HHAT: variants seen among roughly 807,000 people sequenced by gnomAD.
HHAT encodes the protein protein-cysteine N-palmitoyltransferase HHAT.
In HHAT, 47 loss-of-function variants were observed where a neutral mutation model predicts 70.8. The ratio of observed to expected loss-of-function variants is 0.66; its 90% CI spans 0.53 to 0.85. HHAT has a LOEUF of 0.85. Among genes scored for constraint, HHAT ranks in the 40% least tolerant of loss-of-function variants. HHAT has a pLI of 0.00. For missense variants in HHAT, 609 were observed against 604.8 expected, an observed-to-expected ratio of 1.01 and a Z score of -0.07; for synonymous variants, 228 against 247.6, an observed-to-expected ratio of 0.92 and a Z score of 0.74.
At chr1:210,342,039 G>A (rs1195598902) in intron 1 of HHAT, among the ~76,000 whole-genome samples, 1 of 152,078 alleles carries the variant, frequency 6.6e-6, no homozygotes, top group African/African-American at 2.4e-5. Flanking sequence ...CAGCTTTGGA[G>A]TTGCTGTTTT....
intron 1 of HHAT, among the ~76,000 whole-genome samples, chr1:210,329,654 T>A (rs534314276): frequency 3.5e-4 from 54 of 152,350 alleles, no homozygotes; most frequent in African/African-American, 1.3e-3. Context: ...CTGTGTACAT[T>A]GCTCTTGGAT....
intron 3 of HHAT, among the ~76,000 whole-genome samples, chr1:210,370,849 C>T (rs35655204): frequency 2.0e-5 from 3 of 151,812 alleles, no homozygotes; most frequent in South Asian, 4.2e-4. Flanking sequence ...CTCCTGACCT[C>T]GTGATCCACC....
chr1:210,545,294 T>C (rs73079527), intron 9 of HHAT, among the ~76,000 whole-genome samples: 4,586 of 152,272 alleles, frequency 0.03, 239 homozygotes, highest in African/African-American at 0.1. Flanking sequence ...AGTTTTCTTT[T>C]GGTCCCTTGG....
chr1:210,670,243 C>G (rs935576113), intron 11 of HHAT, among the ~76,000 whole-genome samples: 4 of 152,250 alleles, frequency 2.6e-5, no homozygotes, highest in East Asian at 1.9e-4. Context: ...CCCCTGCCCC[C>G]CTGGGCCACA....
At chr1:210,580,617 G>C (rs1205806512) in intron 9 of HHAT, among the ~76,000 whole-genome samples, 1 of 151,646 alleles carries the variant, frequency 6.6e-6, no homozygotes. Flanking sequence ...GTGTTAGTTT[G>C]CTGAGGATGA....
At chr1:210,356,102 T>C (rs1452674929) in intron 2 of HHAT, among the ~76,000 whole-genome samples, 1 of 151,696 alleles carries the variant, frequency 6.6e-6, no homozygotes, top group African/African-American at 2.4e-5. Flanking sequence ...CTATTTTTTT[T>C]TTTTTTTGGA....
intron 1 of HHAT, among the ~76,000 whole-genome samples, chr1:210,334,072 T>A (rs1056004107): frequency 2.6e-5 from 4 of 151,956 alleles, no homozygotes; most frequent in African/African-American, 9.7e-5. Context: ...CCCTGAATTC[T>A]CTCTATGGAC....
chr1:210,570,475 TGA>T (rs2148732977), intron 9 of HHAT, among the ~76,000 whole-genome samples: 1 of 152,070 alleles, frequency 6.6e-6, no homozygotes, highest in African/African-American at 2.4e-5. Flanking sequence ...CTGGAGGGTG[TGA>T]GAGATGCTGG....
intron 9 of HHAT, among the ~76,000 whole-genome samples, chr1:210,530,097 A>G (rs895849142): frequency 6.6e-6 from 1 of 152,184 alleles, no homozygotes; most frequent in African/African-American, 2.4e-5. Flanking sequence ...TGTTTCTGCT[A>G]TGATGCAGGG....
chr1:210,607,842 AC>A (rs34665707), intron 10 of HHAT, among the ~76,000 whole-genome samples: 1 of 151,842 alleles, frequency 6.6e-6, no homozygotes, highest in East Asian at 1.9e-4. Flanking sequence ...TGGGATACCC[AC>A]CCCCTAACAA....
chr1:210,504,963 T>G (rs1199498355), intron 8 of HHAT, among the ~76,000 whole-genome samples: 2 of 141,786 alleles, frequency 1.4e-5, no homozygotes, highest in African/African-American at 5.2e-5. Flanking sequence ...AGTGCAGTGG[T>G]GTGATCTCAA....
intron 5 of HHAT, among the ~76,000 whole-genome samples, chr1:210,401,736 G>C (rs900760528): frequency 6.6e-6 from 1 of 152,202 alleles, no homozygotes; most frequent in Non-Finnish European, 1.5e-5. Context: ...TTGACCCAGA[G>C]AATTGGTGGA....
At chr1:210,468,018 C>T (rs1461730766) in intron 8 of HHAT, among the ~76,000 whole-genome samples, 1 of 152,142 alleles carries the variant, frequency 6.6e-6, no homozygotes, top group Non-Finnish European at 1.5e-5. Context: ...AAGGCCCAAA[C>T]CTGAAAGTTA....
At chr1:210,362,957 C>A (rs1405253981) in intron 3 of HHAT, 38 bp downstream of exon 3, 2 of 1,452,060 alleles carry the variant, frequency 1.4e-6, no homozygotes, top group Non-Finnish European at 1.9e-6. Flanking sequence ...AGTTTTCAAA[C>A]CTGATTTCAA....
chr1:210,494,422 T>C (rs1234535604), intron 8 of HHAT, among the ~76,000 whole-genome samples: 1 of 152,034 alleles, frequency 6.6e-6, no homozygotes, highest in Non-Finnish European at 1.5e-5. Flanking sequence ...CAGAGTCAAA[T>C]ATGACTGCAG....
chr1:210,337,528 T>C (rs1231410160), intron 1 of HHAT, among the ~76,000 whole-genome samples: 2 of 152,192 alleles, frequency 1.3e-5, no homozygotes, highest in Non-Finnish European at 2.9e-5. Flanking sequence ...TTGTTGTCGT[T>C]GCCTTTTCCA....
Position 210,387,622 on chromosome 1 carries a change from C to G in HHAT, c.273+41C>G, listed in dbSNP as rs764304208. The stretch of plus-strand genomic sequence containing the variant: ...TTGTTACCTTTTAAGTGTGTTTTTC[C>G]TTTGCTTCTTGTGAAGAAAGAGTCC... On this transcript the variant is annotated intron_variant, in intron 4 of 11. Coordinates refer to ENST00000261458, the MANE Select transcript of HHAT (RefSeq NM_018194.6). 3.3e-6 allele frequency: 5 copies of G among 1,495,198 alleles called. No individual in the cohort carries two copies. The Admixed American group carries it at 8.7e-5, about 26-fold the overall frequency. 92.6% of individuals were successfully genotyped at this position (1,495,198 alleles called of 1,614,324 possible).
At position 210,638,722 on chromosome 1, in the gene HHAT, C is replaced by CAAAAAAA. The variant is rs71146238; in HGVS notation, c.1390+15070_1390+15076dup. Among the ~76,000 whole-genome samples the CAAAAAAA allele has an allele frequency of 9.4e-4, 90 of 95,270 alleles. 2 individuals carry two copies. The South Asian group carries it at 0.012, about 12-fold the overall frequency. The allele number at this position is 95,270 out of a possible 152,430, so 62.5% of individuals were successfully genotyped here. A position where few individuals can be genotyped will look rare whatever the true frequency, so the allele number is the denominator to read the frequency against. On this transcript the variant is annotated intron_variant, in intron 11 of 11. Coordinates refer to ENST00000261458, the MANE Select transcript of HHAT (RefSeq NM_018194.6). ...GCAACATAGAGAGACCCTGTATTTACAAAAAAAAAAAAAAAAAAAAAAAAT... is the reference window on the plus strand; with the variant it reads ...GCAACATAGAGAGACCCTGTATTTACAAAAAAAAAAAAAAAAAAAAAAAAAAAAAAAT...
At chr1:210,399,868 C>CT (rs2091978963) in intron 4 of HHAT, among the ~76,000 whole-genome samples, 1 of 152,088 alleles carries the variant, frequency 6.6e-6, no homozygotes, top group South Asian at 2.1e-4. Flanking sequence ...GCAAAGTCCT[C>CT]AATAGCTCAT....
Sources: gnomAD v4.1 joint callset for allele counts (sites outside exome capture counted in the v4.1 genomes callset) on GRCh38, gnomAD v4.1.1 for gene constraint, MANE v1.5 for transcripts, NCBI Gene and HGNC (gene_info 2026-07-23, HGNC 2026-07-21) for gene names.